Variants in SNAPC4 observed in about 807,000 individuals in gnomAD.
SNAPC4 encodes the protein snRNA-activating protein complex subunit 4.
A neutral mutation model predicts 151.3 loss-of-function variants in SNAPC4; 127 were observed. That is an observed-to-expected ratio of 0.84 (90% CI 0.73 to 0.97). The LOEUF (loss-of-function observed/expected upper bound fraction) is 0.97. Ranked by LOEUF, SNAPC4 falls within the 50% of genes least tolerant of loss-of-function variation. The pLI is 0.00. For missense variants in SNAPC4, 2,186 were observed against 1,935.0 expected (o/e 1.13, Z -2.43); for synonymous variants, 1,002 against 824.4 (o/e 1.22, Z -3.69).
Position 136,395,473 on chromosome 9 carries a change from T to C in SNAPC4, c.346-50A>G, listed in dbSNP as rs747737902. 3.8e-6 allele frequency: 6 copies of C among 1,595,972 alleles called. No homozygotes were observed. The Admixed American group carries it at 1.0e-4, about 27-fold the overall frequency. On this transcript the variant is annotated intron_variant, in intron 4 of 23. Transcript: ENST00000684778. ...CCCTCTATGGACCAGCAGCAATGAC[T>C]CTCCCTGCGGAGGAGACCCGGGGCA...
Position 136,379,128 on chromosome 9 carries a change from T to A in SNAPC4, c.2699A>T (p.Lys900Met). 3 of 1,567,818 alleles carry A rather than the reference T, an allele frequency of 1.9e-6. No individual in the cohort carries two copies. The highest frequency in any genetic ancestry group is 2.6e-6 in the Non-Finnish European group (3 of 1,156,920). The change falls in exon 22 of 24, where the codon AAG (lysine) becomes ATG (methionine). Residue 900 changes from lysine to methionine, a missense_variant. Transcript: ENST00000684778. ...CCTGGCACGGGCCTCCTGAAGCCGC[T>A]TCTCCTGAAGCAGCTCCGACACAGT... ...PKTVSELLQE[K>M]RLQEARAREA...
At chr9:136,396,564 G>A (rs989622708) in intron 3 of SNAPC4, among the ~76,000 whole-genome samples, 2 of 152,142 alleles carry the variant, frequency 1.3e-5, no homozygotes, top group African/African-American at 2.4e-5. Flanking sequence ...CCACAGCCAC[G>A]TGCCACTGCA....
At position 136,383,707 on chromosome 9, in the gene SNAPC4, C is replaced by T; in HGVS notation, c.1501-39G>A. On this transcript the variant is annotated intron_variant, in intron 15 of 23. Coordinates refer to ENST00000684778, the MANE Select transcript of SNAPC4 (RefSeq NM_003086.4). The surrounding 1 kb of genome is among the most constrained non-coding windows in gnomAD (Gnocchi z 4.2). ...AGAGCTACTTAGAGGCCTTGGCAAGCCCGGTTCACCCATGATGGCAGCAAG... is the reference window on the plus strand; with the variant it reads ...AGAGCTACTTAGAGGCCTTGGCAAGTCCGGTTCACCCATGATGGCAGCAAG... 2 of 1,566,674 alleles carry T rather than the reference C, an allele frequency of 1.3e-6. No homozygotes were observed. The highest frequency in any genetic ancestry group is 1.7e-6 in the Non-Finnish European group (2 of 1,154,920).
intron 3 of SNAPC4, among the ~76,000 whole-genome samples, chr9:136,396,512 G>A (rs1391095459): frequency 6.6e-6 from 1 of 152,138 alleles, no homozygotes; most frequent in African/African-American, 2.4e-5. Flanking sequence ...GGCCTCCTGG[G>A]CTCAAGTGAT....
At chr9:136,385,965 G>A (rs951508081) in intron 13 of SNAPC4, among the ~76,000 whole-genome samples, 1 of 152,122 alleles carries the variant, frequency 6.6e-6, no homozygotes. Flanking sequence ...GAATGATGCT[G>A]CTGTGGACAT....
intron 13 of SNAPC4, among the ~76,000 whole-genome samples, chr9:136,386,687 G>A (rs1463618960): frequency 6.6e-6 from 1 of 152,084 alleles, no homozygotes; most frequent in African/African-American, 2.4e-5. Context: ...GCCGGCCTCG[G>A]CCTCCCAAAG....
intron 10 of SNAPC4, among the ~76,000 whole-genome samples, chr9:136,390,959 C>A (rs1324587967): frequency 1.3e-5 from 2 of 152,018 alleles, no homozygotes. Context: ...CTCAGCCTCC[C>A]GAGTAGCTGG....
intron 1 of SNAPC4, 191 bp from the exon 2 acceptor site, chr9:136,398,628 ACTC>A (rs1834354279): frequency 3.5e-6 from 2 of 577,530 alleles, no homozygotes; most frequent in Admixed American, 3.1e-5. Context: ...GACCCCACAA[ACTC>A]CTGCTATGTG....
At chr9:136,390,224 G>A (rs1338108743) in intron 10 of SNAPC4, among the ~76,000 whole-genome samples, 1 of 152,122 alleles carries the variant, frequency 6.6e-6, no homozygotes, top group African/African-American at 2.4e-5. Context: ...CTGCTTTCAT[G>A]AAAACACTTG....
chr9:136,381,135 T>C (rs966334935), intron 19 of SNAPC4, among the ~76,000 whole-genome samples, 187 bp downstream of exon 19: 2 of 152,190 alleles, frequency 1.3e-5, no homozygotes, highest in East Asian at 1.9e-4. Flanking sequence ...ATGGGGGCAG[T>C]GCACACTGTA....
chr9:136,380,872 C>T (rs776255489), intron 19 of SNAPC4, 22 bp from the exon 20 acceptor site: 1 of 1,392,660 alleles, frequency 7.2e-7, no homozygotes, highest in Non-Finnish European at 1.0e-6. Context: ...AGGAGGCAAC[C>T]TAACCATAGC....
Position 136,397,823 on chromosome 9 carries a change from C to T in SNAPC4, c.130+476G>A, listed in dbSNP as rs9411288. 0.035 allele frequency among the ~76,000 whole-genome samples: 5,387 copies of T among 152,028 alleles called. 649 individuals carry two copies. In the East Asian group the frequency reaches 0.49, roughly 14 times the overall value. ...GTTGACCATCCAGGCATGGACTGTC[C>T]AGACTGCCATCTGGTGAGGTTCAGG... is the stretch of plus-strand genomic sequence containing the variant. On this transcript the variant is annotated intron_variant, in intron 2 of 23. Coordinates refer to ENST00000684778, the MANE Select transcript of SNAPC4 (RefSeq NM_003086.4).
At chr9:136,392,401 G>C in intron 9 of SNAPC4, 121 bp downstream of exon 9, 3 of 1,018,232 alleles carry the variant, frequency 2.9e-6, no homozygotes, top group South Asian at 1.3e-5. Flanking sequence ...GGGTGGGTGG[G>C]GGGTCACAGC....
At chr9:136,398,657 A>C in intron 1 of SNAPC4, 1 of 493,158 alleles carries the variant, frequency 2.0e-6, no homozygotes, top group South Asian at 2.4e-5. Flanking sequence ...CCAGGAGCCT[A>C]AGCCCCAAGA....
chr9:136,378,421 G>A lies in SNAPC4; in HGVS notation c.3406C>T (p.Pro1136Ser). 6.3e-7 allele frequency: 1 copy of A among 1,599,652 alleles called. No individual in the cohort carries two copies. Among genetic ancestry groups the A allele is most frequent in the Non-Finnish European group, 8.5e-7 (1 of 1,175,620 alleles). Residue 1136 changes from proline to serine, a missense_variant, in exon 22 of 24, where the codon CCC (proline) becomes TCC (serine). Transcript: ENST00000684778. Reference protein sequence around the residue: ...RAPALSSSWQPPANMNREPEP... With the variant: ...RAPALSSSWQSPANMNREPEP... ...GGTTCCCTGTTCATATTGGCTGGGG[G>A]CTGCCAAGAGCTGCTCAACGCTGGG...
intron 11 of SNAPC4, 54 bp from the exon 12 acceptor site, chr9:136,387,902 A>G (rs764952455): frequency 4.3e-5 from 43 of 996,018 alleles, no homozygotes; most frequent in Non-Finnish European, 9.7e-6. Context: ...CACCCTCCAT[A>G]GAGTAGACAG....
chr9:136,392,837 T>C, intron 7 of SNAPC4, 60 bp from the exon 8 acceptor site: 2 of 1,351,594 alleles, frequency 1.5e-6, no homozygotes, highest in Non-Finnish European at 2.1e-6. Context: ...CGGGGCAGGT[T>C]CTCTGCACAT....
At chr9:136,381,253 A>G in intron 19 of SNAPC4, 69 bp downstream of exon 19, 1 of 1,207,904 alleles carries the variant, frequency 8.3e-7, no homozygotes. Context: ...AATCTACTGC[A>G]GATTTCAAAA....
Position 136,383,978 on chromosome 9 carries a change from A to T in SNAPC4, c.1475T>A (p.Leu492Gln). 1.2e-6 allele frequency: 2 copies of T among 1,613,736 alleles called. No individual in the cohort carries two copies. The highest frequency in any genetic ancestry group is 1.7e-6 in the Non-Finnish European group (2 of 1,179,954). Residue 492 changes from leucine to glutamine, a missense_variant, in exon 15 of 24, where the codon CTG (leucine) becomes CAG (glutamine). Physicochemically the swap from Leu to Gln is moderately radical, Grantham distance 113 (BLOSUM62 -2). Transcript: ENST00000684778. The surrounding 1 kb of genome is among the most constrained non-coding windows in gnomAD (Gnocchi z 4.2). ...ELPHRSGSQC[L>Q]SKWKIMMGKK... ...CCCCATCATGATCTTCCACTTGCTC[A>T]GACACTGGGAGCCAGACCGATGGGG... is the stretch of plus-strand genomic sequence containing the variant.
Sources: allele counts gnomAD v4.1 joint callset (sites outside exome capture counted in the v4.1 genomes callset), GRCh38; gene constraint gnomAD v4.1.1; non-coding constraint Gnocchi (gnomAD v3.1); transcripts MANE v1.5; gene names NCBI Gene and HGNC (gene_info 2026-07-23, HGNC 2026-07-21).